Variants in SLMAP observed in about 807,000 individuals in gnomAD.
The protein encoded by SLMAP is sarcolemmal membrane-associated protein.
A neutral mutation model predicts 128.8 loss-of-function variants in SLMAP; 44 were observed. That is an observed-to-expected ratio of 0.34 (90% CI 0.27 to 0.44). The LOEUF (loss-of-function observed/expected upper bound fraction) is 0.44, where lower values mean the gene tolerates loss of function less well. Ranked by LOEUF, SLMAP falls within the 20% of genes least tolerant of loss-of-function variation. SLMAP has a pLI of 1.00. For missense variants in SLMAP, 787 were observed against 985.3 expected (o/e 0.80, Z 2.69); for synonymous variants, 327 against 348.8 (o/e 0.94, Z 0.70).
chr3:57,889,653 AAACTATCGATAT>A (rs1243783368), intron 14 of SLMAP, among the ~76,000 whole-genome samples: 7 of 152,338 alleles, frequency 4.6e-5, no homozygotes, highest in African/African-American at 1.2e-4. Flanking sequence ...AGAGAACAGT[AAACTATCGATAT>A]AACTTAATTT....
chr3:57,917,920 C>G (rs373210428), intron 22 of SLMAP: 2 of 152,162 alleles, frequency 1.3e-5, no homozygotes, highest in Admixed American at 1.3e-4. Context: ...GAAGACAACT[C>G]TTTGTCTTTA....
At position 57,790,424 on chromosome 3, in the gene SLMAP, G is replaced by A. The variant is rs112238904; in HGVS notation, c.198+32575G>A. ...TGATGAACACCTGACTTTTAAAGAA[G>A]GGTTATAAGAGCTTATAAACCAAGG... On this transcript the variant is annotated intron_variant, in intron 2 of 24. Transcript: ENST00000671191. 3.2e-3 allele frequency among the ~76,000 whole-genome samples: 487 copies of A among 151,938 alleles called. 3 individuals are homozygous for A. Among genetic ancestry groups the A allele is most frequent in the African/African-American group, 0.011 (466 of 41,426 alleles).
intron 4 of SLMAP, 112 bp from the exon 5 acceptor site, chr3:57,847,085 T>C: frequency 2.9e-6 from 2 of 685,142 alleles, no homozygotes; most frequent in Admixed American, 2.6e-5. Context: ...CTTTTTTTAA[T>C]TACATGAAGG....
intron 2 of SLMAP, among the ~76,000 whole-genome samples, chr3:57,782,849 C>T (rs1222695461): frequency 6.6e-6 from 1 of 152,040 alleles, no homozygotes; most frequent in Non-Finnish European, 1.5e-5. Flanking sequence ...TGAGCTTGGC[C>T]CCCTCTTGCT....
intron 3 of SLMAP, among the ~76,000 whole-genome samples, chr3:57,834,967 C>G (rs1297316608): frequency 1.3e-5 from 2 of 151,274 alleles, no homozygotes; most frequent in African/African-American, 4.9e-5. Context: ...ACCAAAAATG[C>G]AAGAATCAGC....
chr3:57,837,253 T>C (rs1044969306), intron 3 of SLMAP, among the ~76,000 whole-genome samples: 2 of 152,250 alleles, frequency 1.3e-5, no homozygotes, highest in African/African-American at 4.8e-5. Flanking sequence ...AACTGTAAGC[T>C]GTGCAACTAT....
rs900136022 is a variant in SLMAP, at chr3:57,756,871, C to G, written c.-781C>G. Reference sequence around the variant, plus strand: ...GCTCGGTCCGCACCGGCCTGCGGAGCCGGGTCCCCGCCCTGGTCGCGGGGA... The same window carrying G: ...GCTCGGTCCGCACCGGCCTGCGGAGGCGGGTCCCCGCCCTGGTCGCGGGGA... On this transcript the variant is annotated 5_prime_UTR_variant, in exon 2 of 25. Coordinates refer to ENST00000671191, the MANE Select transcript of SLMAP (RefSeq NM_001377540.1). 2 of 152,220 alleles carry G rather than the reference C, an allele frequency of 1.3e-5. No individual in the cohort carries two copies. Among genetic ancestry groups the G allele is most frequent in the African/African-American group, 4.8e-5 (2 of 41,450 alleles). 9.4% of individuals were successfully genotyped at this position (152,220 alleles called of 1,614,324 possible).
intron 13 of SLMAP, among the ~76,000 whole-genome samples, chr3:57,869,630 T>TTA (rs55916379): frequency 0.2 from 14,804 of 75,248 alleles, 1,480 homozygotes; most frequent in Middle Eastern, 0.3. Context: ...CCCATCTCTA[T>TTA]TATATATATA....
chr3:57,823,553 C>T (rs1274759584), intron 2 of SLMAP, among the ~76,000 whole-genome samples: 1 of 152,188 alleles, frequency 6.6e-6, no homozygotes, highest in East Asian at 1.9e-4. Flanking sequence ...ATGAACTCAT[C>T]ATTTTTTATC....
chr3:57,924,035 ATGGTT>A (rs150750418), intron 23 of SLMAP, among the ~76,000 whole-genome samples: 1,916 of 152,298 alleles, frequency 0.013, 26 homozygotes, highest in African/African-American at 0.044. Flanking sequence ...TCAGATCATA[ATGGTT>A]TGGTTACTTC....
intron 2 of SLMAP, among the ~76,000 whole-genome samples, chr3:57,759,139 C>A (rs540572173): frequency 9.2e-5 from 14 of 152,272 alleles, no homozygotes; most frequent in South Asian, 6.2e-4. Flanking sequence ...CTATACTTTA[C>A]GTGTAGGATG....
intron 2 of SLMAP, among the ~76,000 whole-genome samples, chr3:57,773,078 G>A (rs999307319): frequency 8.5e-5 from 13 of 152,152 alleles, no homozygotes; most frequent in Non-Finnish European, 1.5e-4. Flanking sequence ...AGCTTTTAGT[G>A]GGGGGATAGG....
intron 2 of SLMAP, among the ~76,000 whole-genome samples, chr3:57,787,516 G>A (rs899685867): frequency 6.6e-5 from 10 of 152,070 alleles, no homozygotes; most frequent in South Asian, 4.2e-4. Flanking sequence ...TCACTCTGTC[G>A]CCCAGGCTGG....
chr3:57,911,575 TCAAC>T (rs890568511), intron 19 of SLMAP, among the ~76,000 whole-genome samples: 19 of 152,328 alleles, frequency 1.2e-4, no homozygotes, highest in African/African-American at 4.1e-4. Context: ...ACTCATTAAT[TCAAC>T]CAATAATTCT....
At position 57,834,654 on chromosome 3, in the gene SLMAP, AAC is replaced by A. The variant is rs1399850996; in HGVS notation, c.346+3126_346+3127del. ...ACAGCTGATCCCTCTGTTTTTAAAA[AAC>A]AGATAAACCCTGTGTTATTTAAGTA... On this transcript the variant is annotated intron_variant, in intron 3 of 24. Coordinates refer to ENST00000671191, the MANE Select transcript of SLMAP (RefSeq NM_001377540.1). Among the ~76,000 whole-genome samples, 3 of 152,252 alleles carry A rather than the reference AAC, an allele frequency of 2.0e-5. No individual in the cohort carries two copies. In the East Asian group the frequency reaches 5.8e-4, roughly 29 times the overall value.
intron 13 of SLMAP, among the ~76,000 whole-genome samples, chr3:57,868,464 G>A (rs965769098): frequency 6.7e-6 from 1 of 150,358 alleles, no homozygotes; most frequent in Admixed American, 6.6e-5. Context: ...GGTGGCATGT[G>A]CCTGTAATCC....
chr3:57,884,441 T>C (rs186589808), intron 14 of SLMAP, among the ~76,000 whole-genome samples: 3 of 152,260 alleles, frequency 2.0e-5, no homozygotes, highest in African/African-American at 7.2e-5. Flanking sequence ...GTCAACAGGC[T>C]TATATTCCCC....
intron 4 of SLMAP, among the ~76,000 whole-genome samples, chr3:57,845,803 C>T (rs903960587): frequency 5.3e-5 from 8 of 152,042 alleles, no homozygotes; most frequent in African/African-American, 1.9e-4. Flanking sequence ...TTTAATATCC[C>T]CAATAACTCC....
chr3:57,797,305 A>G (rs1293930552), intron 2 of SLMAP, among the ~76,000 whole-genome samples: 1 of 151,814 alleles, frequency 6.6e-6, no homozygotes, highest in East Asian at 1.9e-4. Flanking sequence ...ACCAACATGG[A>G]GAAACCTTGT....
Sources: allele counts gnomAD v4.1 joint callset (sites outside exome capture counted in the v4.1 genomes callset), GRCh38; gene constraint gnomAD v4.1.1; transcripts MANE v1.5; gene names NCBI Gene and HGNC (gene_info 2026-07-23, HGNC 2026-07-21).